Variants in EGF observed in about 807,000 individuals in gnomAD.
The protein encoded by EGF is epidermal growth factor, also known as pro-epidermal growth factor.
Under a neutral mutation model 143.8 loss-of-function variants are expected in EGF, and 95 were observed. That is an observed-to-expected ratio of 0.66 (90% confidence interval 0.56 to 0.78). The LOEUF is 0.78. EGF is among the 30% of genes least tolerant of loss of function. EGF has a pLI of 0.00. For missense variants in EGF, 1,320 were observed against 1,470.9 expected (o/e 0.90, Z 1.68); for synonymous variants, 510 against 510.5 (o/e 1.00, Z 0.01).
At chr4:109,913,512 A>T (rs759269157) in intron 1 of EGF, 50 bp downstream of exon 1, 31 of 1,602,514 alleles carry the variant, frequency 1.9e-5, no homozygotes, top group African/African-American at 2.7e-5. Flanking sequence ...AACTGCCCCC[A>T]CATCCCTGTT....
At chr4:109,940,727 T>C (rs1328459210) in intron 1 of EGF, 2 of 529,592 alleles carry the variant, frequency 3.8e-6, no homozygotes, top group Non-Finnish European at 6.7e-6. Context: ...AATTTACCAA[T>C]GTTCATGTCT....
rs1742589481 is a variant in EGF, at chr4:109,945,017, A to T, written c.738-56A>T. On this transcript the variant is annotated intron_variant, in intron 4 of 23. Coordinates refer to ENST00000265171, the MANE Select transcript of EGF (RefSeq NM_001963.6). ...TAAATTGAAATGAAGTGAAATTCTA[A>T]TAAGACAAGGAACAAATGTTCTGTT... 1.4e-5 allele frequency: 22 copies of T among 1,567,586 alleles called. No homozygotes were observed. The South Asian group carries it at 2.4e-4, about 17-fold the overall frequency.
intron 1 of EGF, among the ~76,000 whole-genome samples, chr4:109,937,889 T>A (rs1560653498): frequency 6.6e-6 from 1 of 152,244 alleles, no homozygotes; most frequent in Non-Finnish European, 1.5e-5. Flanking sequence ...CTGCTGTTAG[T>A]CTGATGGGCT....
chr4:109,974,423 G>A (rs552773591), intron 11 of EGF, among the ~76,000 whole-genome samples: 11 of 152,230 alleles, frequency 7.2e-5, no homozygotes, highest in East Asian at 3.9e-4. Flanking sequence ...CCACTGACAC[G>A]ATCCTTTTAC....
chr4:109,932,659 G>A (rs28734982), intron 1 of EGF, among the ~76,000 whole-genome samples: 41,419 of 151,350 alleles, frequency 0.27, 6,126 homozygotes, highest in Middle Eastern at 0.38. Flanking sequence ...TGGGATTACA[G>A]GCATGAGCCA....
At chr4:109,952,701 G>A (rs1744144154) in intron 5 of EGF, among the ~76,000 whole-genome samples, 3 of 152,168 alleles carry the variant, frequency 2.0e-5, no homozygotes, top group Admixed American at 1.3e-4. Context: ...ATCATTTATA[G>A]TTATTGACAT....
chr4:109,952,767 G>A (rs1744157638), intron 5 of EGF, among the ~76,000 whole-genome samples: 1 of 152,196 alleles, frequency 6.6e-6, no homozygotes, highest in African/African-American at 2.4e-5. Flanking sequence ...AGCAAGCATA[G>A]GATTGGTTTG....
In EGF at chr4:109,969,011, C is replaced by A; in HGVS notation, c.1616C>A (p.Ala539Asp). The A allele has an allele frequency of 6.2e-7, 1 of 1,614,072 alleles. No homozygotes were observed. The highest frequency in any genetic ancestry group is 8.5e-7 in the Non-Finnish European group (1 of 1,180,008). Residue 539 changes from alanine to aspartate, a missense_variant, in exon 11 of 24, where the codon GCT becomes GAT. Ala to Asp is a moderately radical substitution (Grantham distance 126, BLOSUM62 -2). Transcript: ENST00000265171. ...ACAGCCCTGAAGTGGATAGAGAGAG[C>A]TAATATGGATGGTTCCCAGCGAGAA... ...AHTALKWIER[A>D]NMDGSQRERL...
At chr4:110,001,578 T>A in intron 21 of EGF, 1 of 980,090 alleles carries the variant, frequency 1.0e-6, no homozygotes, top group Non-Finnish European at 1.2e-6. Context: ...GCCATAATTA[T>A]TAAGTGTTTT....
In EGF at chr4:109,927,806, CGTGTGTGTGT is replaced by C. The variant is rs57788647; in HGVS notation, c.128-13106_128-13097del. On this transcript the variant is annotated intron_variant, in intron 1 of 23. Transcript: ENST00000265171. ...CAGGATAGTGATTTCTGAATTTTGC[CGTGTGTGTGT>C]GTGTGTGTGTGTGTGTGTGTGTGTG... is the stretch of plus-strand genomic sequence containing the variant. Among the ~76,000 whole-genome samples, 933 of 136,382 alleles carry C rather than the reference CGTGTGTGTGT, an allele frequency of 6.8e-3. 10 individuals carry two copies. Among genetic ancestry groups the C allele is most frequent in the African/African-American group, 0.023 (799 of 35,472 alleles). The allele number at this position is 136,382 out of a possible 152,430, so 89.5% of individuals were successfully genotyped here. A position where few individuals can be genotyped will look rare whatever the true frequency, so the allele number is the denominator to read the frequency against.
chr4:109,913,212 A>T lies in EGF; in HGVS notation c.-124A>T. On this transcript the variant is annotated 5_prime_UTR_variant, in exon 1 of 24. It removes an upstream start codon present in the reference 5' UTR. Coordinates refer to ENST00000265171, the MANE Select transcript of EGF (RefSeq NM_001963.6). ...CAACAGCACAACAGGAGAGTAAAAG[A>T]TGCCCCAGGGCTGAGGCCTCCGCTC... The T allele has an allele frequency of 8.3e-7, 1 of 1,206,792 alleles. No individual in the cohort carries two copies. The highest frequency in any genetic ancestry group is 1.2e-6 in the Non-Finnish European group (1 of 825,590). 74.8% of individuals were successfully genotyped at this position (1,206,792 alleles called of 1,614,324 possible).
chr4:109,970,405 AAAG>A (rs1162730420), intron 11 of EGF, among the ~76,000 whole-genome samples: 1 of 152,174 alleles, frequency 6.6e-6, no homozygotes, highest in Non-Finnish European at 1.5e-5. Flanking sequence ...AGTAAAAGTA[AAAG>A]AAGGGAGAAT....
At chr4:109,924,152 A>G (rs2125945418) in intron 1 of EGF, among the ~76,000 whole-genome samples, 1 of 151,718 alleles carries the variant, frequency 6.6e-6, no homozygotes, top group South Asian at 2.1e-4. Context: ...ATTTAGCCCA[A>G]CTGCTTCTTA....
At chr4:110,003,443 C>T (rs1462287742) in intron 21 of EGF, among the ~76,000 whole-genome samples, 2 of 152,114 alleles carry the variant, frequency 1.3e-5, no homozygotes, top group Non-Finnish European at 2.9e-5. Flanking sequence ...TCCTTGAAGC[C>T]TTTGATTAAA....
chr4:109,969,108 G>C lies in EGF; in HGVS notation c.1713G>C (p.Trp571Cys). The change falls in exon 11 of 24, where the codon TGG becomes TGC. Residue 571 changes from tryptophan (W) to cysteine (C), a missense_variant. By Grantham distance (215) the Trp-to-Cys change is radical. Coordinates refer to ENST00000265171, the MANE Select transcript of EGF (RefSeq NM_001963.6). ...ACTGGATTGGCCGTAGATTCTATTG[G>C]ACAGACAGAGGGTATGTTTTCTGCT... Reference protein sequence around the residue: ...AVDWIGRRFYWTDRGKSLIGR... With the variant: ...AVDWIGRRFYCTDRGKSLIGR... 6.2e-7 allele frequency: 1 copy of C among 1,614,170 alleles called. No homozygotes were observed. The highest frequency in any genetic ancestry group is 1.3e-5 in the African/African-American group (1 of 75,038).
chr4:109,921,805 T>C (rs1480020247), intron 1 of EGF, among the ~76,000 whole-genome samples: 7 of 151,624 alleles, frequency 4.6e-5, no homozygotes, highest in African/African-American at 1.7e-4. Flanking sequence ...ACTCCAACAC[T>C]TTTCTGGTTA....
At chr4:109,951,504 A>C (rs1289527390) in intron 5 of EGF, among the ~76,000 whole-genome samples, 1 of 152,190 alleles carries the variant, frequency 6.6e-6, no homozygotes, top group Non-Finnish European at 1.5e-5. Flanking sequence ...TTCAGTTAGA[A>C]TTTGAAATAA....
In EGF at chr4:109,999,678, G is replaced by A; in HGVS notation, c.3006-1G>A. 1 of 1,614,190 alleles carries A rather than the reference G, an allele frequency of 6.2e-7. No individual in the cohort carries two copies. Among genetic ancestry groups the A allele is most frequent in the Non-Finnish European group, 8.5e-7 (1 of 1,180,022 alleles). ...TGACCTCTGTTTGTGTGTTGTCACA[G>A]CTGTGTTGTTGGCTACATCGGGGAG... On this transcript the variant is annotated splice_acceptor_variant, in intron 20 of 23. Coordinates refer to ENST00000265171, the MANE Select transcript of EGF (RefSeq NM_001963.6). LOFTEE classifies it high-confidence loss of function.
chr4:109,923,982 G>C (rs1396214799), intron 1 of EGF, among the ~76,000 whole-genome samples: 2 of 151,678 alleles, frequency 1.3e-5, no homozygotes, highest in African/African-American at 4.9e-5. Context: ...ACAATTCACA[G>C]AAAGTAGAGG....
Sources: allele counts gnomAD v4.1 joint callset (sites outside exome capture counted in the v4.1 genomes callset), GRCh38; gene constraint gnomAD v4.1.1; transcripts MANE v1.5; gene names NCBI Gene and HGNC (gene_info 2026-07-23, HGNC 2026-07-21).